The following EPM2A variants were observed in gnomAD, a reference collection of about 807,000 sequenced individuals.
The protein encoded by EPM2A is EPM2A glucan phosphatase, laforin, also known as laforin.
Under a neutral mutation model 26.5 loss-of-function variants are expected in EPM2A, and 21 were observed. The observed-to-expected ratio is 0.79, with a 90% CI of 0.56 to 1.14. The LOEUF (loss-of-function observed/expected upper bound fraction) is 1.14. Among genes scored for constraint, EPM2A ranks in the 50% most tolerant of loss-of-function variants. The probability of loss-of-function intolerance (pLI) is 0.00; values close to 1 mark genes in which losing one functional copy is unlikely to be tolerated. For synonymous variants in EPM2A, 217 were observed against 177.6 expected, an observed-to-expected ratio of 1.22 and a Z score of -1.76; for missense variants, 458 against 440.8, an observed-to-expected ratio of 1.04 and a Z score of -0.35.
intron 2 of EPM2A, among the ~76,000 whole-genome samples, chr6:145,520,059 T>G (rs1202643524): frequency 6.6e-6 from 1 of 152,208 alleles, no homozygotes; most frequent in Non-Finnish European, 1.5e-5. Context: ...CTACACTGAC[T>G]TCTTAGACTC....
chr6:145,415,595 A>G (rs531544863), intron 4 of EPM2A, among the ~76,000 whole-genome samples: 1 of 152,252 alleles, frequency 6.6e-6, no homozygotes, highest in Non-Finnish European at 1.5e-5. Flanking sequence ...TTTCCATCAT[A>G]TAGACTTATG....
At chr6:145,522,852 T>C (rs919825815) in intron 2 of EPM2A, among the ~76,000 whole-genome samples, 1 of 150,850 alleles carries the variant, frequency 6.6e-6, no homozygotes, top group South Asian at 2.1e-4. Context: ...TCTTTTTTTA[T>C]AACTCTTTAT....
At chr6:145,444,561 T>C (rs779154836) in intron 4 of EPM2A, among the ~76,000 whole-genome samples, 36 of 152,220 alleles carry the variant, frequency 2.4e-4, no homozygotes, top group Non-Finnish European at 3.8e-4. Flanking sequence ...GTTGTGTCTC[T>C]GTCAGTTTTT....
intron 2 of EPM2A, among the ~76,000 whole-genome samples, chr6:145,512,055 A>G (rs1780061495): frequency 6.6e-6 from 1 of 152,138 alleles, no homozygotes; most frequent in Non-Finnish European, 1.5e-5. Context: ...CATCTAATCA[A>G]GGAAGTGAAA....
intron 2 of EPM2A, among the ~76,000 whole-genome samples, chr6:145,601,839 T>G (rs955144076): frequency 6.6e-6 from 1 of 152,166 alleles, no homozygotes; most frequent in African/African-American, 2.4e-5. Flanking sequence ...CCAGGTATTG[T>G]GTGAACTAAA....
chr6:145,508,358 C>T (rs1358396794), intron 2 of EPM2A, among the ~76,000 whole-genome samples: 1 of 152,198 alleles, frequency 6.6e-6, no homozygotes. Context: ...CTCTTGCTGG[C>T]TCTTACTTCT....
intron 4 of EPM2A, among the ~76,000 whole-genome samples, chr6:145,396,956 C>T (rs889272529): frequency 1.3e-5 from 2 of 152,178 alleles, no homozygotes; most frequent in African/African-American, 4.8e-5. Context: ...GCCAATCCCA[C>T]AGCACTTTCA....
chr6:145,459,362 G>T (rs548879010), intron 4 of EPM2A, among the ~76,000 whole-genome samples: 1 of 152,202 alleles, frequency 6.6e-6, no homozygotes, highest in Admixed American at 6.5e-5. Context: ...CAGAATGGAT[G>T]CCACTAACCA....
chr6:145,520,857 C>T (rs921992974), intron 2 of EPM2A, among the ~76,000 whole-genome samples: 7 of 152,100 alleles, frequency 4.6e-5, no homozygotes, highest in African/African-American at 1.2e-4. Flanking sequence ...AATGGTTAAT[C>T]AAAGACTTAA....
intron 2 of EPM2A, chr6:145,638,000 G>A (rs1020527577): frequency 6.6e-6 from 1 of 152,090 alleles, no homozygotes; most frequent in African/African-American, 2.4e-5. Context: ...GGACACTTCC[G>A]TTACATAACC....
chr6:145,387,691 A>T (rs1778281331), intron 4 of EPM2A, among the ~76,000 whole-genome samples: 1 of 152,166 alleles, frequency 6.6e-6, no homozygotes, highest in Non-Finnish European at 1.5e-5. Flanking sequence ...CAGCAGGGAA[A>T]AAAAGAAAAA....
intron 2 of EPM2A, among the ~76,000 whole-genome samples, chr6:145,580,374 A>G (rs1781095709): frequency 6.6e-6 from 1 of 152,188 alleles, no homozygotes; most frequent in African/African-American, 2.4e-5. Flanking sequence ...ACCTTGAATA[A>G]CACTATTATT....
chr6:145,729,211 G>A (rs1292713094), intron 1 of EPM2A, among the ~76,000 whole-genome samples: 1 of 152,202 alleles, frequency 6.6e-6, no homozygotes, highest in Non-Finnish European at 1.5e-5. Flanking sequence ...CCTCTACTAA[G>A]GCAGTGCACA....
At chr6:145,715,755 G>A (rs1032605351) in intron 1 of EPM2A, among the ~76,000 whole-genome samples, 12 of 152,086 alleles carry the variant, frequency 7.9e-5, no homozygotes, top group Admixed American at 3.9e-4. Context: ...TCTAGGTTGT[G>A]GGCTCCTTAT....
intron 1 of EPM2A, among the ~76,000 whole-genome samples, chr6:145,732,702 G>A (rs1050073244): frequency 6.6e-6 from 1 of 152,116 alleles, no homozygotes; most frequent in Non-Finnish European, 1.5e-5. Context: ...TTATAGTGAA[G>A]AAAAGAGAAT....
intron 2 of EPM2A, among the ~76,000 whole-genome samples, chr6:145,644,765 T>C (rs1371755159): frequency 6.6e-6 from 1 of 151,960 alleles, no homozygotes; most frequent in African/African-American, 2.4e-5. Context: ...GTACAAAGAG[T>C]ATACTTCATG....
intron 4 of EPM2A, among the ~76,000 whole-genome samples, chr6:145,468,638 G>A (rs910315145): frequency 1.4e-5 from 2 of 144,708 alleles, no homozygotes; most frequent in African/African-American, 5.2e-5. Context: ...AAATCAAAAA[G>A]ATTGAAGACT....
intron 2 of EPM2A, among the ~76,000 whole-genome samples, chr6:145,578,114 AC>A (rs1411034756): frequency 2.6e-5 from 4 of 152,192 alleles, no homozygotes; most frequent in African/African-American, 2.4e-5. Context: ...AGACAAAAAA[AC>A]AACCTAATGA....
intron 1 of EPM2A, among the ~76,000 whole-genome samples, chr6:145,696,775 A>ATGTATG (rs1781599401): frequency 7.4e-6 from 1 of 135,216 alleles, no homozygotes; most frequent in East Asian, 2.3e-4. Context: ...AGGTAGGGGT[A>ATGTATG]TGTGTGTGTG....
Sources: gnomAD v4.1 joint callset for allele counts (sites outside exome capture counted in the v4.1 genomes callset) on GRCh38, gnomAD v4.1.1 for gene constraint, MANE v1.5 for transcripts, NCBI Gene and HGNC (gene_info 2026-07-23, HGNC 2026-07-21) for gene names.